DCLK1: variants seen among roughly 807,000 people sequenced by gnomAD.
DCLK1 encodes the protein serine/threonine-protein kinase DCLK1.
In DCLK1, 16 loss-of-function variants were observed where a neutral mutation model predicts 86.2. The ratio of observed to expected loss-of-function variants is 0.19; its 90% CI spans 0.13 to 0.28. DCLK1 has a LOEUF of 0.28. Ranked by LOEUF, DCLK1 falls within the 10% of genes least tolerant of loss-of-function variation. DCLK1 has a pLI of 1.00. For missense variants in DCLK1, 590 were observed against 940.2 expected (o/e 0.63, Z 4.87); for synonymous variants, 369 against 370.5 (o/e 1.00, Z 0.05).
chr13:35,772,833 G>A lies in DCLK1; in HGVS notation c.*1702C>T, dbSNP rs1162741583. 6.6e-6 allele frequency: 1 copy of A among 152,096 alleles called. No homozygotes were observed. The highest frequency in any genetic ancestry group is 1.5e-5 in the Non-Finnish European group (1 of 68,024). The allele number at this position is 152,096 out of a possible 1,614,324, so 9.4% of individuals were successfully genotyped here. A position where few individuals can be genotyped will look rare whatever the true frequency, so the allele number is the denominator to read the frequency against. On this transcript the variant is annotated 3_prime_UTR_variant, in exon 17 of 17. Transcript: ENST00000360631. ...CATATTAATGTAGACCATAGTTTCA[G>A]GGTTGAAGAGTAAAAATGCAGCAAG...
At chr13:35,823,860 T>C (rs926067027) in intron 10 of DCLK1, among the ~76,000 whole-genome samples, 1 of 152,244 alleles carries the variant, frequency 6.6e-6, no homozygotes, top group African/African-American at 2.4e-5. Flanking sequence ...CTCTCGGGCC[T>C]GGGCCCTCTG....
chr13:35,984,755 G>A (rs1304921248), intron 3 of DCLK1, among the ~76,000 whole-genome samples: 1 of 151,872 alleles, frequency 6.6e-6, no homozygotes, highest in Non-Finnish European at 1.5e-5. Context: ...TCATTCCCCT[G>A]ATCCAGGTAT....
rs568608515 is a variant in DCLK1 at position 35,833,056 on chromosome 13, G to T, written c.1229+2977C>A. Reference sequence around the variant, plus strand: ...TGACCCTAAGATCTCTGCTTGTTCTGCTGGATTTGAGCCTGCTTGTGTTCA... The same window carrying T: ...TGACCCTAAGATCTCTGCTTGTTCTTCTGGATTTGAGCCTGCTTGTGTTCA... On this transcript the variant is annotated intron_variant, in intron 8 of 16. Coordinates refer to ENST00000360631, the MANE Select transcript of DCLK1 (RefSeq NM_001330071.2). Among the ~76,000 whole-genome samples, 8 of 152,290 alleles carry T rather than the reference G, an allele frequency of 5.3e-5. 1 individual carries two copies. In the South Asian group the frequency reaches 1.7e-3, roughly 32 times the overall value.
chr13:35,921,498 C>T (rs1416158840), intron 4 of DCLK1, among the ~76,000 whole-genome samples: 1 of 152,206 alleles, frequency 6.6e-6, no homozygotes, highest in East Asian at 1.9e-4. Context: ...AACCTTAGAT[C>T]CACAATGCAT....
At chr13:36,090,732 A>T (rs185641787) in intron 3 of DCLK1, among the ~76,000 whole-genome samples, 5 of 152,168 alleles carry the variant, frequency 3.3e-5, no homozygotes, top group Admixed American at 3.3e-4. Context: ...GGAGCCACTG[A>T]ATGACTCACT....
At chr13:36,086,070 T>C (rs1357742780) in intron 3 of DCLK1, among the ~76,000 whole-genome samples, 1 of 152,196 alleles carries the variant, frequency 6.6e-6, no homozygotes, top group Admixed American at 6.5e-5. Context: ...TTAATCTGCA[T>C]GAGATATAAA....
intron 2 of DCLK1, among the ~76,000 whole-genome samples, chr13:36,117,095 GA>G (rs1885817444): frequency 1.3e-5 from 2 of 151,896 alleles, no homozygotes; most frequent in Admixed American, 1.3e-4. Context: ...AAATGAACTT[GA>G]ATGTGTATGT....
intron 16 of DCLK1, among the ~76,000 whole-genome samples, chr13:35,787,238 T>C (rs1354915906): frequency 6.6e-6 from 1 of 151,842 alleles, no homozygotes; most frequent in African/African-American, 2.4e-5. Flanking sequence ...TTACTACAGA[T>C]AGGCTCCACA....
chr13:35,992,841 C>T (rs889074096), intron 3 of DCLK1, among the ~76,000 whole-genome samples: 2 of 152,160 alleles, frequency 1.3e-5, no homozygotes, highest in African/African-American at 2.4e-5. Flanking sequence ...CTTTGTGTGA[C>T]CTGGTCATTC....
intron 3 of DCLK1, among the ~76,000 whole-genome samples, chr13:36,050,331 G>A (rs888710800): frequency 1.3e-5 from 2 of 152,038 alleles, no homozygotes; most frequent in Non-Finnish European, 2.9e-5. Flanking sequence ...GCCAACATGA[G>A]TTAAATAAGC....
chr13:35,960,944 T>G (rs1447967657), intron 3 of DCLK1, among the ~76,000 whole-genome samples: 1 of 152,262 alleles, frequency 6.6e-6, no homozygotes, highest in Non-Finnish European at 1.5e-5. Flanking sequence ...AGTCCATTTA[T>G]GTACAGAACA....
At chr13:35,924,140 A>G (rs1875962321) in intron 4 of DCLK1, among the ~76,000 whole-genome samples, 1 of 152,160 alleles carries the variant, frequency 6.6e-6, no homozygotes, top group African/African-American at 2.4e-5. Flanking sequence ...TTCCCTTTAA[A>G]GCCCCTTGAT....
chr13:36,022,195 A>G (rs1881813604), intron 3 of DCLK1, among the ~76,000 whole-genome samples: 1 of 152,168 alleles, frequency 6.6e-6, no homozygotes, highest in Admixed American at 6.5e-5. Context: ...AGAATAAACC[A>G]CAATGGAAAT....
intron 11 of DCLK1, among the ~76,000 whole-genome samples, chr13:35,815,772 T>C (rs1009276649): frequency 3.3e-5 from 5 of 152,186 alleles, no homozygotes; most frequent in African/African-American, 9.6e-5. Flanking sequence ...GAATGCATTT[T>C]ATGGCCCATG....
intron 3 of DCLK1, among the ~76,000 whole-genome samples, chr13:36,047,544 G>A (rs1326074860): frequency 6.6e-6 from 1 of 152,124 alleles, no homozygotes; most frequent in Non-Finnish European, 1.5e-5. Flanking sequence ...GCAACAACAT[G>A]GATGAACCTG....
intron 15 of DCLK1, among the ~76,000 whole-genome samples, chr13:35,794,607 G>A (rs1422915059): frequency 2.0e-5 from 3 of 152,176 alleles, no homozygotes; most frequent in Non-Finnish European, 4.4e-5. Flanking sequence ...CATGGACCAG[G>A]TACTACAGTA....
At chr13:36,017,315 A>G (rs1399846119) in intron 3 of DCLK1, among the ~76,000 whole-genome samples, 1 of 152,218 alleles carries the variant, frequency 6.6e-6, no homozygotes, top group Non-Finnish European at 1.5e-5. Flanking sequence ...CTCCAAGGCT[A>G]GACACAGAAG....
intron 4 of DCLK1, among the ~76,000 whole-genome samples, chr13:35,897,401 G>A (rs1408626077): frequency 6.6e-6 from 1 of 152,136 alleles, no homozygotes; most frequent in Non-Finnish European, 1.5e-5. Context: ...TGGAAGGCGG[G>A]AACCAGGTGT....
At chr13:35,970,725 C>G (rs1879022145) in intron 3 of DCLK1, among the ~76,000 whole-genome samples, 1 of 152,182 alleles carries the variant, frequency 6.6e-6, no homozygotes, top group Non-Finnish European at 1.5e-5. Flanking sequence ...ACCTCCAGAA[C>G]TATGATACAC....
Sources: allele counts gnomAD v4.1 joint callset (sites outside exome capture counted in the v4.1 genomes callset), GRCh38; gene constraint gnomAD v4.1.1; transcripts MANE v1.5; gene names NCBI Gene and HGNC (gene_info 2026-07-23, HGNC 2026-07-21).